ADARB2: variants seen among roughly 807,000 people sequenced by gnomAD.
ADARB2 encodes the protein inactive double-stranded RNA-specific editase B2.
Under a neutral mutation model 62.2 loss-of-function variants are expected in ADARB2, and 25 were observed. The ratio of observed to expected loss-of-function variants is 0.40; its 90% confidence interval spans 0.29 to 0.56. The LOEUF is 0.56. ADARB2 is among the 20% of genes least tolerant of loss of function. The pLI is 0.43. For missense variants in ADARB2, 1,071 were observed against 1,077.4 expected (o/e 0.99, Z 0.08); for synonymous variants, 572 against 500.8 (o/e 1.14, Z -1.90).
chr10:1,362,950 C>G (rs1247452013), intron 3 of ADARB2, 78 bp downstream of exon 3: 10 of 1,230,458 alleles, frequency 8.1e-6, no homozygotes, highest in Non-Finnish European at 1.0e-5. Flanking sequence ...CTGGACGCCA[C>G]TCCCAACAGG....
chr10:1,491,550 G>A (rs1259872792), intron 1 of ADARB2, among the ~76,000 whole-genome samples: 1 of 152,124 alleles, frequency 6.6e-6, no homozygotes, highest in Non-Finnish European at 1.5e-5. Flanking sequence ...AATTAGCAGG[G>A]CCAATTCATA....
intron 3 of ADARB2, among the ~76,000 whole-genome samples, chr10:1,348,285 G>A (rs113129266): frequency 0.041 from 6,180 of 152,274 alleles, 146 homozygotes; most frequent in South Asian, 0.1. Context: ...GCCTGTGCTC[G>A]TGGAAAGCTG....
rs553743116 is a variant in ADARB2, at chr10:1,386,725, TC to T, written c.101-7566del. ...TGCTAGTTTGAGATTTTAACATTCCTCCCCTAGTTACTGATAGAACAAGTAG... is the reference window on the plus strand; with the variant it reads ...TGCTAGTTTGAGATTTTAACATTCCTCCCTAGTTACTGATAGAACAAGTAG... On this transcript the variant is annotated intron_variant, in intron 1 of 9. Transcript: ENST00000381312. 2.2e-4 allele frequency among the ~76,000 whole-genome samples: 33 copies of T among 151,938 alleles called. No homozygotes were observed. The South Asian group carries it at 6.6e-3, about 31-fold the overall frequency.
chr10:1,608,298 A>C (rs988101546), intron 1 of ADARB2, among the ~76,000 whole-genome samples: 4 of 152,216 alleles, frequency 2.6e-5, no homozygotes, highest in African/African-American at 9.6e-5. Context: ...CCTCAGTCCC[A>C]GAGGTCATGG....
chr10:1,219,530 G>T (rs1830663455), intron 6 of ADARB2, among the ~76,000 whole-genome samples: 1 of 152,196 alleles, frequency 6.6e-6, no homozygotes, highest in East Asian at 1.9e-4. Flanking sequence ...ATAAAATTTG[G>T]ACCGGTCTTT....
intron 1 of ADARB2, among the ~76,000 whole-genome samples, chr10:1,728,594 A>G (rs2119043309): frequency 6.6e-6 from 1 of 152,316 alleles, no homozygotes. Context: ...CCCACATACA[A>G]GAGCCCCTGT....
rs532155966 is a variant in ADARB2 at position 1,219,706 on chromosome 10, GTGGTGATGGTGTTAATGGAGGTGA to G, written c.1514-2611_1514-2588del. Among the ~76,000 whole-genome samples the G allele has an allele frequency of 1.2e-4, 18 of 152,196 alleles. No individual in the cohort carries two copies. The South Asian group carries it at 3.7e-3, about 32-fold the overall frequency. ...GATGGTGATAATGGAGGTAATGGTG[GTGGTGATGGTGTTAATGGAGGTGA>G]TGGTGATGGTGAAGATAATGGTGAT... is the stretch of plus-strand genomic sequence containing the variant. On this transcript the variant is annotated intron_variant, in intron 6 of 9. Coordinates refer to ENST00000381312, the MANE Select transcript of ADARB2 (RefSeq NM_018702.4).
At chr10:1,301,553 C>G (rs1421971628) in intron 3 of ADARB2, among the ~76,000 whole-genome samples, 1 of 82,366 alleles carries the variant, frequency 1.2e-5, no homozygotes, top group East Asian at 1.4e-3. Context: ...CTTGATGCTT[C>G]TCTCTTCTCT....
intron 3 of ADARB2, among the ~76,000 whole-genome samples, chr10:1,351,294 G>A (rs1298479148): frequency 2.0e-5 from 3 of 152,096 alleles, no homozygotes; most frequent in African/African-American, 7.2e-5. Context: ...ACAGTGGAAG[G>A]TAAGTCCGTC....
At chr10:1,314,535 G>A (rs963452432) in intron 3 of ADARB2, among the ~76,000 whole-genome samples, 2 of 152,048 alleles carry the variant, frequency 1.3e-5, no homozygotes, top group African/African-American at 2.4e-5. Flanking sequence ...CCCACTGCCC[G>A]GCCTCCAGGG....
At chr10:1,356,136 C>A (rs1832192935) in intron 3 of ADARB2, among the ~76,000 whole-genome samples, 1 of 152,150 alleles carries the variant, frequency 6.6e-6, no homozygotes, top group Non-Finnish European at 1.5e-5. Context: ...TTCACAGACC[C>A]AGGACACGAA....
intron 1 of ADARB2, among the ~76,000 whole-genome samples, chr10:1,664,942 A>C (rs752134357): frequency 2.6e-5 from 4 of 152,156 alleles, no homozygotes; most frequent in Non-Finnish European, 4.4e-5. Flanking sequence ...AAATCAAGAA[A>C]ACAGATGGCA....
chr10:1,504,284 C>T (rs1831806235), intron 1 of ADARB2, among the ~76,000 whole-genome samples: 1 of 152,240 alleles, frequency 6.6e-6, no homozygotes, highest in Admixed American at 6.5e-5. Flanking sequence ...AACACTTGCA[C>T]ACCTTTCTTC....
intron 1 of ADARB2, among the ~76,000 whole-genome samples, chr10:1,677,200 C>G (rs1834477043): frequency 6.6e-6 from 1 of 152,184 alleles, no homozygotes; most frequent in African/African-American, 2.4e-5. Flanking sequence ...CTTCCGAAGG[C>G]TCAATTTCTG....
intron 3 of ADARB2, among the ~76,000 whole-genome samples, chr10:1,354,268 G>A (rs1445479915): frequency 6.6e-6 from 1 of 152,148 alleles, no homozygotes; most frequent in Non-Finnish European, 1.5e-5. Flanking sequence ...GCTGTGACCT[G>A]CAGGTACACA....
At chr10:1,529,856 G>T (rs540298752) in intron 1 of ADARB2, among the ~76,000 whole-genome samples, 3 of 152,120 alleles carry the variant, frequency 2.0e-5, no homozygotes, top group East Asian at 1.9e-4. Context: ...GCCGCTCTCT[G>T]CTCCCCTGTG....
At chr10:1,600,430 A>ACACTT (rs1564343190) in intron 1 of ADARB2, among the ~76,000 whole-genome samples, 1 of 151,716 alleles carries the variant, frequency 6.6e-6, no homozygotes, top group East Asian at 2.0e-4. Context: ...GGAAGCTGAG[A>ACACTT]TGGGGGGATC....
chr10:1,187,743 G>A, intron 8 of ADARB2: 1 of 298,882 alleles, frequency 3.3e-6, no homozygotes, highest in Non-Finnish European at 7.4e-6. Flanking sequence ...CACGTGCACT[G>A]CTCCACACTC....
intron 3 of ADARB2, among the ~76,000 whole-genome samples, chr10:1,274,711 C>T (rs932833027): frequency 6.6e-5 from 10 of 152,198 alleles, no homozygotes; most frequent in Non-Finnish European, 1.5e-4. Flanking sequence ...TGAGCAGGCG[C>T]GGTACCTGCC....
Sources: gnomAD v4.1 joint callset for allele counts (sites outside exome capture counted in the v4.1 genomes callset) on GRCh38, gnomAD v4.1.1 for gene constraint, MANE v1.5 for transcripts, NCBI Gene and HGNC (gene_info 2026-07-23, HGNC 2026-07-21) for gene names.